ENPP2: variants seen among roughly 807,000 people sequenced by gnomAD.
The protein encoded by ENPP2 is autotaxin.
In ENPP2, 51 loss-of-function variants were observed where a neutral mutation model predicts 120.2. That is an observed-to-expected ratio of 0.42 (90% CI 0.34 to 0.54). The LOEUF (loss-of-function observed/expected upper bound fraction) is 0.54. Among genes scored for constraint, ENPP2 ranks in the 20% least tolerant of loss-of-function variants. The pLI is 0.04. For synonymous variants in ENPP2, 365 were observed against 366.4 expected (o/e 1.00, Z 0.04); for missense variants, 920 against 1,066.5 (o/e 0.86, Z 1.91).
At chr8:119,673,317 G>C in exon 1 of ENPP2, 1 of 1,533,514 alleles carries the variant, frequency 6.5e-7, no homozygotes, top group Admixed American at 2.0e-5. Context: ...CGCTGCGGAC[G>C]CGGCCTGGGC....
intron 1 of ENPP2, among the ~76,000 whole-genome samples, chr8:119,667,799 A>T (rs1312337121): frequency 6.6e-6 from 1 of 152,168 alleles, no homozygotes. Flanking sequence ...CCCTGCTTAC[A>T]AGCTTCATTG....
upstream of ENPP2, chr8:119,638,947 A>G: frequency 2.6e-6 from 2 of 776,752 alleles, no homozygotes; most frequent in Non-Finnish European, 4.3e-6. Context: ...GGTGTTCACA[A>G]ATCGCAGCTC....
intron 2 of ENPP2, among the ~76,000 whole-genome samples, chr8:119,634,286 C>T (rs753761458): frequency 2.6e-5 from 4 of 152,118 alleles, no homozygotes; most frequent in East Asian, 1.9e-4. Context: ...AAGATTTCTA[C>T]GTAATTGAAG....
chr8:119,645,413 G>T (rs1385628849), intron 1 of ENPP2, among the ~76,000 whole-genome samples: 3 of 152,116 alleles, frequency 2.0e-5, no homozygotes, highest in Non-Finnish European at 4.4e-5. Flanking sequence ...ACAGATTCTA[G>T]TTAATAATGA....
At chr8:119,565,055 A>G (rs1814301889) in intron 22 of ENPP2, 100 bp from the exon 23 acceptor site, 12 of 946,152 alleles carry the variant, frequency 1.3e-5, no homozygotes, top group Admixed American at 4.6e-5. Context: ...CAAATCTCAC[A>G]AGCCAAGAGA....
At chr8:119,618,317 T>G (rs749035009) in intron 5 of ENPP2, 1 of 484,254 alleles carries the variant, frequency 2.1e-6, no homozygotes, top group Non-Finnish European at 4.2e-6. Flanking sequence ...TTTGTTCTTA[T>G]GGGCCTCTGT....
chr8:119,618,587 T>C (rs2130719711), intron 5 of ENPP2: 1 of 289,958 alleles, frequency 3.4e-6, no homozygotes, highest in Admixed American at 4.9e-5. Flanking sequence ...TCATCCAGGC[T>C]GGAGTCCAGT....
intron 7 of ENPP2, 129 bp downstream of exon 7, chr8:119,617,035 T>C (rs913599352): frequency 4.6e-6 from 3 of 657,512 alleles, no homozygotes; most frequent in Non-Finnish European, 8.1e-6. Flanking sequence ...AATGACCCAG[T>C]TAAGATGGAA....
intron 12 of ENPP2, among the ~76,000 whole-genome samples, chr8:119,590,935 AAAC>A (rs892331903): frequency 1.5e-4 from 23 of 151,578 alleles, no homozygotes; most frequent in African/African-American, 4.4e-4. Flanking sequence ...ACCATGATTT[AAAC>A]AACAACAACA....
intron 24 of ENPP2, among the ~76,000 whole-genome samples, chr8:119,561,468 T>C (rs1465545019): frequency 6.6e-6 from 1 of 152,216 alleles, no homozygotes; most frequent in Non-Finnish European, 1.5e-5. Flanking sequence ...CCTTCTGTCA[T>C]GTGAAACAAA....
chr8:119,586,251 G>T lies in ENPP2; in HGVS notation c.1302C>A (p.His434Gln). 6.2e-7 allele frequency: 1 copy of T among 1,613,632 alleles called. No individual in the cohort carries two copies. The highest frequency in any genetic ancestry group is 8.5e-7 in the Non-Finnish European group (1 of 1,179,558). ...YLKQHLPKRL[H>Q]YANNRRIEDI... ...CCTCAATTCTTCTGTTGTTGGCATA[G>T]TGCAAACGTTTGGGAAGGTGCTGTT... Residue 434 changes from histidine (H) to glutamine (Q), a missense_variant, in exon 15 of 25, where the codon CAC (histidine) becomes CAA (glutamine). Coordinates refer to ENST00000075322, the MANE Select transcript of ENPP2 (RefSeq NM_001040092.3).
intron 1 of ENPP2, among the ~76,000 whole-genome samples, chr8:119,668,674 G>A (rs572105327): frequency 9.2e-5 from 14 of 151,946 alleles, no homozygotes; most frequent in Admixed American, 2.0e-4. Flanking sequence ...TGATCCACCC[G>A]CCTCGGCCTC....
intron 3 of ENPP2, among the ~76,000 whole-genome samples, chr8:119,622,399 A>C (rs552561762): frequency 2.0e-5 from 3 of 152,344 alleles, no homozygotes; most frequent in African/African-American, 7.2e-5. Flanking sequence ...TTGTGGTCCT[A>C]CCTACAATGA....
intron 1 of ENPP2, among the ~76,000 whole-genome samples, chr8:119,658,218 G>A (rs1479456800): frequency 3.3e-5 from 5 of 152,114 alleles, no homozygotes; most frequent in Admixed American, 6.6e-5. Context: ...GGGGGTCCAC[G>A]TGCTTGTTTG....
At chr8:119,666,507 G>A (rs1445292263) in intron 1 of ENPP2, among the ~76,000 whole-genome samples, 7 of 152,104 alleles carry the variant, frequency 4.6e-5, no homozygotes, top group African/African-American at 4.8e-5. Flanking sequence ...AAGGCTGGGC[G>A]TGATGGCTCA....
intron 2 of ENPP2, 36 bp from the exon 3 acceptor site, chr8:119,626,756 G>A (rs376827488): frequency 1.4e-5 from 23 of 1,603,338 alleles, no homozygotes; most frequent in South Asian, 1.1e-4. Context: ...ATGGACTGGA[G>A]AGTGGTCATG....
At chr8:119,640,082 G>T (rs188620036), upstream of ENPP2, among the ~76,000 whole-genome samples, 14 of 152,122 alleles carry the variant, frequency 9.2e-5, no homozygotes, top group Admixed American at 6.5e-4. Context: ...GCAAAAACTT[G>T]TTTATAGGGG....
At chr8:119,631,279 CA>C (rs1187366689) in intron 2 of ENPP2, among the ~76,000 whole-genome samples, 1 of 131,188 alleles carries the variant, frequency 7.6e-6, no homozygotes. Flanking sequence ...TGCAGTGGCG[CA>C]ATCTTGGCTC....
chr8:119,654,300 CTATA>C (rs1015325693), intron 1 of ENPP2, among the ~76,000 whole-genome samples: 2 of 139,268 alleles, frequency 1.4e-5, no homozygotes, highest in East Asian at 2.0e-4. Flanking sequence ...ATAGATGTAT[CTATA>C]TATAATACTT....
Sources: allele counts gnomAD v4.1 joint callset (sites outside exome capture counted in the v4.1 genomes callset), GRCh38; gene constraint gnomAD v4.1.1; transcripts MANE v1.5; gene names NCBI Gene and HGNC (gene_info 2026-07-23, HGNC 2026-07-21).